The following BMPR1B variants were observed in gnomAD, a reference collection of about 807,000 sequenced individuals.
BMPR1B encodes bone morphogenetic protein receptor type 1B.
BMPR1B carries 12 observed loss-of-function variants against 59.1 expected under a neutral mutation model. The observed-to-expected ratio is 0.20, with a 90% confidence interval of 0.13 to 0.33. The LOEUF (loss-of-function observed/expected upper bound fraction) is 0.33. BMPR1B is among the 10% of genes least tolerant of loss of function. The pLI is 1.00. For synonymous variants in BMPR1B, 237 were observed against 207.3 expected (o/e 1.14, Z -1.23); for missense variants, 550 against 610.9 (o/e 0.90, Z 1.05).
chr4:94,832,395 T>TTA lies in BMPR1B; in HGVS notation c.-182-43436_-182-43435insTA, dbSNP rs199951801. On this transcript the variant is annotated intron_variant, in intron 1 of 12. Coordinates refer to ENST00000515059, the MANE Select transcript of BMPR1B (RefSeq NM_001203.3). Reference sequence around the variant, plus strand: ...CTCCTGACACTATTATTACTGAAGTTAACTAGAGTCCCCAGTGGTTAATAG... The same window carrying TTA: ...CTCCTGACACTATTATTACTGAAGTTTAAACTAGAGTCCCCAGTGGTTAATAG... Among the ~76,000 whole-genome samples, 668 of 152,322 alleles carry TTA rather than the reference T, an allele frequency of 4.4e-3. 2 individuals are homozygous for TTA. Among genetic ancestry groups the TTA allele is most frequent in the Non-Finnish European group, 6.4e-3 (432 of 68,014 alleles).
chr4:94,853,701 C>T (rs763950082), intron 1 of BMPR1B, among the ~76,000 whole-genome samples: 1 of 151,936 alleles, frequency 6.6e-6, no homozygotes, highest in Non-Finnish European at 1.5e-5. Flanking sequence ...CAGCACATGC[C>T]GCCATCAGAC....
At chr4:95,024,205 C>A (rs1724195172) in intron 3 of BMPR1B, among the ~76,000 whole-genome samples, 2 of 152,306 alleles carry the variant, frequency 1.3e-5, no homozygotes, top group South Asian at 4.1e-4. Context: ...TTGCACACTG[C>A]ACGTTCTTTG....
intron 1 of BMPR1B, among the ~76,000 whole-genome samples, chr4:94,848,218 A>AGC (rs1560514045): frequency 1.1e-5 from 1 of 91,630 alleles, no homozygotes; most frequent in East Asian, 2.6e-4. Flanking sequence ...ATATCAGTTA[A>AGC]GCTCTCAATC....
chr4:94,901,761 C>T (rs550679274), intron 2 of BMPR1B, among the ~76,000 whole-genome samples: 66 of 151,970 alleles, frequency 4.3e-4, no homozygotes, highest in East Asian at 9.7e-4. Flanking sequence ...GAAAGCAATT[C>T]GACAGTTCCC....
chr4:94,863,977 A>G (rs1726102977), intron 1 of BMPR1B, among the ~76,000 whole-genome samples: 1 of 152,254 alleles, frequency 6.6e-6, no homozygotes, highest in South Asian at 2.1e-4. Flanking sequence ...ACAGGTAGCT[A>G]GTATCTGGTA....
intron 4 of BMPR1B, among the ~76,000 whole-genome samples, chr4:95,105,264 C>A (rs1362483014): frequency 6.6e-6 from 1 of 152,022 alleles, no homozygotes; most frequent in African/African-American, 2.4e-5. Context: ...CCTAATGAGG[C>A]CAGTGTGTGC....
At chr4:94,906,709 T>C (rs1301333339) in intron 2 of BMPR1B, among the ~76,000 whole-genome samples, 1 of 152,068 alleles carries the variant, frequency 6.6e-6, no homozygotes, top group Non-Finnish European at 1.5e-5. Context: ...CTTGGCCTGA[T>C]AGATTGTTGA....
chr4:95,097,021 A>T (rs1730464025), intron 3 of BMPR1B, among the ~76,000 whole-genome samples: 1 of 145,188 alleles, frequency 6.9e-6, no homozygotes. Flanking sequence ...TATATTATAT[A>T]TAGTTTATAT....
At position 95,110,175 on chromosome 4, in the gene BMPR1B, A is replaced by G. The variant is rs557045343; in HGVS notation, c.144-4545A>G. Reference sequence around the variant, plus strand: ...CAATGTAGGATTTATCAGGCTTGCTATATGGAATGGATTAGAGTTAGGAGA... The same window carrying G: ...CAATGTAGGATTTATCAGGCTTGCTGTATGGAATGGATTAGAGTTAGGAGA... On this transcript the variant is annotated intron_variant, in intron 4 of 12. Coordinates refer to ENST00000515059, the MANE Select transcript of BMPR1B (RefSeq NM_001203.3). Among the ~76,000 whole-genome samples, 11 of 152,020 alleles carry G rather than the reference A, an allele frequency of 7.2e-5. No homozygotes were observed. The East Asian group carries it at 1.9e-3, about 27-fold the overall frequency.
At chr4:94,907,488 A>G (rs2522534) in intron 2 of BMPR1B, among the ~76,000 whole-genome samples, 2,893 of 152,140 alleles carry the variant, frequency 0.019, 43 homozygotes, top group South Asian at 0.061. Context: ...ATGCCTGTGC[A>G]TATGCTCGGT....
chr4:94,994,724 A>G (rs1721954435), intron 2 of BMPR1B, among the ~76,000 whole-genome samples: 1 of 151,204 alleles, frequency 6.6e-6, no homozygotes, highest in African/African-American at 2.4e-5. Flanking sequence ...GTTACACTGT[A>G]GAAAGTTATT....
intron 1 of BMPR1B, among the ~76,000 whole-genome samples, chr4:94,804,432 A>T (rs1723531816): frequency 6.6e-6 from 1 of 152,196 alleles, no homozygotes; most frequent in Non-Finnish European, 1.5e-5. Flanking sequence ...TTGTAAAAAA[A>T]TTGTTAAATA....
At position 95,123,794 on chromosome 4, in the gene BMPR1B, T is replaced by G. The variant is rs776514625; in HGVS notation, c.350-16T>G. 1.3e-6 allele frequency: 2 copies of G among 1,566,236 alleles called. No individual in the cohort carries two copies. The highest frequency in any genetic ancestry group is 1.8e-6 in the Non-Finnish European group (2 of 1,139,956). On this transcript the variant is annotated splice_polypyrimidine_tract_variant and intron_variant, in intron 6 of 12. Coordinates refer to ENST00000515059, the MANE Select transcript of BMPR1B (RefSeq NM_001203.3). ...AATATTCTCTTGATTATGGCTCTTT[T>G]TCTTTTTAATTTCAGATTTTGTTGA...
chr4:94,843,528 C>A (rs1052668670), intron 1 of BMPR1B, among the ~76,000 whole-genome samples: 6 of 152,102 alleles, frequency 3.9e-5, no homozygotes, highest in Non-Finnish European at 8.8e-5. Flanking sequence ...CATAATAGAA[C>A]TGGAGTTCTT....
chr4:94,832,587 G>C (rs941464672), intron 1 of BMPR1B, among the ~76,000 whole-genome samples: 5 of 151,950 alleles, frequency 3.3e-5, no homozygotes, highest in African/African-American at 9.7e-5. Flanking sequence ...TTCAAGACCA[G>C]CTTGGCCAAA....
At chr4:94,988,788 G>A (rs1205152740) in intron 2 of BMPR1B, among the ~76,000 whole-genome samples, 1 of 151,934 alleles carries the variant, frequency 6.6e-6, no homozygotes, top group Non-Finnish European at 1.5e-5. Context: ...AAGAACCTTA[G>A]AGTTAAAGGT....
rs558285863 is a variant in BMPR1B at position 94,892,294 on chromosome 4, A to G, written c.-113+16394A>G. On this transcript the variant is annotated intron_variant, in intron 2 of 12. Coordinates refer to ENST00000515059, the MANE Select transcript of BMPR1B (RefSeq NM_001203.3). ...GCCACCAGCTGTGAGCTTACTGGAA[A>G]TGCACGTTTCACCCCAGACCCACTG... 2.2e-4 allele frequency among the ~76,000 whole-genome samples: 34 copies of G among 152,184 alleles called. No homozygotes were observed. The Middle Eastern group carries it at 0.01, about 46-fold the overall frequency.
chr4:95,082,057 T>C (rs987399777), intron 3 of BMPR1B, among the ~76,000 whole-genome samples: 3 of 151,716 alleles, frequency 2.0e-5, no homozygotes, highest in Non-Finnish European at 4.4e-5. Context: ...TATGTATATA[T>C]GTGCCATGCT....
intron 2 of BMPR1B, among the ~76,000 whole-genome samples, chr4:94,954,235 A>G (rs1730057670): frequency 6.6e-6 from 1 of 152,170 alleles, no homozygotes; most frequent in African/African-American, 2.4e-5. Flanking sequence ...CTTGGAGCCC[A>G]GAACAGTTCT....
Sources: gnomAD v4.1 joint callset for allele counts (sites outside exome capture counted in the v4.1 genomes callset) on GRCh38, gnomAD v4.1.1 for gene constraint, MANE v1.5 for transcripts, NCBI Gene and HGNC (gene_info 2026-07-23, HGNC 2026-07-21) for gene names.